IFI44L: variants seen among roughly 807,000 people sequenced by gnomAD.
IFI44L encodes interferon-induced protein 44-like.
In IFI44L, 40 loss-of-function variants were observed where a neutral mutation model predicts 39.3. That is an observed-to-expected ratio of 1.02 (90% confidence interval 0.79 to 1.33). The LOEUF is 1.33. IFI44L is among the 40% of genes most tolerant of loss of function. The probability of loss-of-function intolerance (pLI) is 0.00; values close to 1 mark genes in which losing one functional copy is unlikely to be tolerated. For synonymous variants in IFI44L, 198 were observed against 182.3 expected (o/e 1.09, Z -0.69); for missense variants, 623 against 549.0 (o/e 1.13, Z -1.35).
intron 7 of IFI44L, 126 bp downstream of exon 7, chr1:78,641,247 G>A (rs767646803): frequency 3.5e-6 from 3 of 858,752 alleles, no homozygotes; most frequent in Non-Finnish European, 5.5e-6. Flanking sequence ...TGAAGAATGG[G>A]ATCAATTGCT....
chr1:78,623,494 TAGTC>T (rs1264496219), intron 1 of IFI44L, among the ~76,000 whole-genome samples: 4 of 151,108 alleles, frequency 2.6e-5, no homozygotes, highest in Non-Finnish European at 4.4e-5. Context: ...CAATTTGTAT[TAGTC>T]AGCGTTCTTC....
At position 78,645,908 on chromosome 1, in the gene IFI44L, C is replaced by T. The variant is rs1647043173; in HGVS notation, c.*4099C>T. 6.6e-6 allele frequency: 1 copy of T among 152,142 alleles called. No homozygotes were observed. The highest frequency in any genetic ancestry group is 2.4e-5 in the African/African-American group (1 of 41,426). The allele number at this position is 152,142 out of a possible 1,614,324, so 9.4% of individuals were successfully genotyped here. The stretch of plus-strand genomic sequence containing the variant: ...CCTCCCACAATCCCACTTCCTTCCT[C>T]AACACAATTCAAACAAATAGACTCA... On this transcript the variant is annotated 3_prime_UTR_variant, in exon 9 of 9. Transcript: ENST00000370751.
chr1:78,635,377 C>A lies in IFI44L; in HGVS notation c.764C>A (p.Ser255Tyr), dbSNP rs1652906746. The A allele has an allele frequency of 6.2e-7, 1 of 1,611,530 alleles. No individual in the cohort carries two copies. Among genetic ancestry groups the A allele is most frequent in the Non-Finnish European group, 8.5e-7 (1 of 1,177,834 alleles). ...GTTAAAGATGGAAAAAATGGAAAAT[C>A]TCTGCCATTTATGTTGTGTGACACT... ...YSVKDGKNGK[S>Y]LPFMLCDTMG... is the part of the protein sequence containing the mutation. Residue 255 changes from serine to tyrosine, a missense_variant, in exon 5 of 9, where the codon TCT (serine) becomes TAT (tyrosine). Coordinates refer to ENST00000370751, the MANE Select transcript of IFI44L (RefSeq NM_006820.4).
At chr1:78,634,403 A>G (rs1652863769) in intron 4 of IFI44L, among the ~76,000 whole-genome samples, 1 of 152,164 alleles carries the variant, frequency 6.6e-6, no homozygotes, top group Non-Finnish European at 1.5e-5. Flanking sequence ...AGGCCAAGAG[A>G]GTAGGATGAA....
At chr1:78,635,777 A>T (rs1209731990) in intron 5 of IFI44L, 1 of 368,290 alleles carries the variant, frequency 2.7e-6, no homozygotes, top group Non-Finnish European at 4.9e-6. Context: ...ATGTAAACTA[A>T]TGATAGTCAC....
intron 3 of IFI44L, 50 bp from the exon 4 acceptor site, chr1:78,629,670 A>G: frequency 7.3e-7 from 1 of 1,377,126 alleles, no homozygotes; most frequent in Middle Eastern, 1.9e-4. Flanking sequence ...TCTTTATGGT[A>G]TTCTTTATTG....
Position 78,641,923 on chromosome 1 carries a change from G to A in IFI44L, c.*114G>A, listed in dbSNP as rs1646992143. The A allele has an allele frequency of 8.4e-7, 1 of 1,192,958 alleles. No homozygotes were observed. Among genetic ancestry groups the A allele is most frequent in the South Asian group, 1.2e-5 (1 of 82,312 alleles). 73.9% of individuals were successfully genotyped at this position (1,192,958 alleles called of 1,614,324 possible). A position where few individuals can be genotyped will look rare whatever the true frequency, so the allele number is the denominator to read the frequency against. On this transcript the variant is annotated 3_prime_UTR_variant, in exon 9 of 9. Transcript: ENST00000370751. ...TTTGCTTTTGTTCGTTTTGCCTTCTGTCCTTGGAACAGTCATATCTCAAGT... is the reference window on the plus strand; with the variant it reads ...TTTGCTTTTGTTCGTTTTGCCTTCTATCCTTGGAACAGTCATATCTCAAGT...
chr1:78,625,684 T>C (rs1379112970), intron 1 of IFI44L: 4 of 152,062 alleles, frequency 2.6e-5, no homozygotes, highest in African/African-American at 9.6e-5. Context: ...TCTTTCTACT[T>C]ACTTTGAGTT....
intron 1 of IFI44L, chr1:78,626,306 CT>C (rs1203635958): frequency 8.6e-5 from 13 of 151,722 alleles, no homozygotes; most frequent in Admixed American, 5.9e-4. Flanking sequence ...TCAATCTTAC[CT>C]TTTAGCTGTT....
At chr1:78,620,652 G>A (rs893903407) in intron 1 of IFI44L, 81 bp downstream of exon 1, 1 of 152,174 alleles carries the variant, frequency 6.6e-6, no homozygotes, top group African/African-American at 2.4e-5. Context: ...AGCATACAAT[G>A]TAATGACCAA....
At position 78,627,962 on chromosome 1, in the gene IFI44L, G is replaced by A. The variant is rs768684222; in HGVS notation, c.47G>A (p.Arg16His). ...RLTWNDENHL[R>H]KLLGNVSLSL... ...ACATGGAATGATGAAAATCATCTGC[G>A]CAAGCTGCTTGGAAATGTTTCTTTG... is the stretch of plus-strand genomic sequence containing the variant. The change falls in exon 2 of 9, where the codon CGC (arginine) becomes CAC (histidine). Residue 16 changes from arginine (R) to histidine (H), a missense_variant. Physicochemically the swap from Arg to His is conservative, Grantham distance 29. Coordinates refer to ENST00000370751, the MANE Select transcript of IFI44L (RefSeq NM_006820.4). The A allele has an allele frequency of 6.6e-5, 106 of 1,609,686 alleles. No homozygotes were observed. The highest frequency in any genetic ancestry group is 3.4e-4 in the Admixed American group (20 of 59,374).
At chr1:78,633,872 A>G (rs1652843538) in intron 4 of IFI44L, among the ~76,000 whole-genome samples, 1 of 152,194 alleles carries the variant, frequency 6.6e-6, no homozygotes, top group Admixed American at 6.5e-5. Context: ...GAAATTTAAT[A>G]GAAAGGTTGT....
chr1:78,627,968 TG>T lies in IFI44L; in HGVS notation c.54del (p.Gly20GlufsTer5), dbSNP rs1393206488. On this transcript the variant is annotated frameshift_variant, in exon 2 of 9. Coordinates refer to ENST00000370751, the MANE Select transcript of IFI44L (RefSeq NM_006820.4). LOFTEE classifies it high-confidence loss of function. The stretch of plus-strand genomic sequence containing the variant: ...AATGATGAAAATCATCTGCGCAAGC[TG>T]CTTGGAAATGTTTCTTTGAGTCTTC... ...TWNDENHLRK[L>X]LGNVSLSLLY... 4 of 1,610,902 alleles carry T rather than the reference TG, an allele frequency of 2.5e-6. No individual in the cohort carries two copies. Among genetic ancestry groups the T allele is most frequent in the African/African-American group, 2.7e-5 (2 of 74,800 alleles).
Position 78,644,241 on chromosome 1 carries a change from G to A in IFI44L, c.*2432G>A, listed in dbSNP as rs1557693487. ...GGACTTCTTTATTTTGTTTAAAGGG[G>A]TAACACAGAGTGCCCTTATGAAGGA... On this transcript the variant is annotated 3_prime_UTR_variant, in exon 9 of 9. Coordinates refer to ENST00000370751, the MANE Select transcript of IFI44L (RefSeq NM_006820.4). 1 of 152,152 alleles carries A rather than the reference G, an allele frequency of 6.6e-6. No homozygotes were observed. Among genetic ancestry groups the A allele is most frequent in the Admixed American group, 6.6e-5 (1 of 15,256 alleles). 9.4% of individuals were successfully genotyped at this position (152,152 alleles called of 1,614,324 possible).
intron 1 of IFI44L, among the ~76,000 whole-genome samples, chr1:78,622,415 A>G (rs1481376761): frequency 6.6e-6 from 1 of 152,180 alleles, no homozygotes; most frequent in Non-Finnish European, 1.5e-5. Context: ...GAGAGACACC[A>G]GAAGGAATTT....
At chr1:78,633,880 T>G (rs1652843817) in intron 4 of IFI44L, among the ~76,000 whole-genome samples, 1 of 151,924 alleles carries the variant, frequency 6.6e-6, no homozygotes, top group Non-Finnish European at 1.5e-5. Context: ...ATAGAAAGGT[T>G]GTAATAATTA....
At chr1:78,640,940 G>C (rs559264495) in intron 6 of IFI44L, 81 bp from the exon 7 acceptor site, 8 of 943,598 alleles carry the variant, frequency 8.5e-6, no homozygotes, top group Non-Finnish European at 1.4e-5. Flanking sequence ...ACCCTATAGA[G>C]TTGCCTTCAC....
At chr1:78,632,996 T>A (rs972972377) in intron 4 of IFI44L, among the ~76,000 whole-genome samples, 4 of 152,190 alleles carry the variant, frequency 2.6e-5, no homozygotes, top group African/African-American at 9.7e-5. Flanking sequence ...TCTCCAGCAA[T>A]CATTCCTCCA....
chr1:78,630,189 G>T, intron 4 of IFI44L: 1 of 328,082 alleles, frequency 3.0e-6, no homozygotes, highest in East Asian at 6.5e-5. Context: ...GAAAATCTTT[G>T]ACCATTATAT....
Sources: allele counts gnomAD v4.1 joint callset (sites outside exome capture counted in the v4.1 genomes callset), GRCh38; gene constraint gnomAD v4.1.1; transcripts MANE v1.5; gene names NCBI Gene and HGNC (gene_info 2026-07-23, HGNC 2026-07-21).